The following BZW1 variants were observed in gnomAD, a reference collection of about 807,000 sequenced individuals.
The protein encoded by BZW1 is eIF5-mimic protein 2.
Under a neutral mutation model 54.1 loss-of-function variants are expected in BZW1, and 3 were observed. The observed-to-expected ratio is 0.06, with a 90% confidence interval of 0.03 to 0.14. The LOEUF (loss-of-function observed/expected upper bound fraction) is 0.14, where lower values mean the gene tolerates loss of function less well. Ranked by LOEUF, BZW1 falls within the 10% of genes least tolerant of loss-of-function variation. BZW1 has a pLI of 1.00. For synonymous variants in BZW1, 152 were observed against 162.7 expected, an observed-to-expected ratio of 0.93 and a Z score of 0.50; for missense variants, 206 against 491.7, an observed-to-expected ratio of 0.42 and a Z score of 5.50.
At chr2:200,812,848 C>G in intron 1 of BZW1, 1 of 662,064 alleles carries the variant, frequency 1.5e-6, no homozygotes, top group Non-Finnish European at 2.9e-6. Flanking sequence ...GTGATAATCT[C>G]TCTTTGCGTT....
Position 200,822,240 on chromosome 2 carries a change from G to T in BZW1, c.*62G>T. ...TTGTAGATAAAATGTCATGTCTCAT[G>T]TGTCCTGGTTCTTACATCTTCCTAC... On this transcript the variant is annotated 3_prime_UTR_variant, in exon 12 of 12. Transcript: ENST00000409600. The T allele has an allele frequency of 7.0e-7, 1 of 1,422,720 alleles. No individual in the cohort carries two copies. Among genetic ancestry groups the T allele is most frequent in the Non-Finnish European group, 9.7e-7 (1 of 1,026,176 alleles). 88.1% of individuals were successfully genotyped at this position (1,422,720 alleles called of 1,614,324 possible).
chr2:200,813,461 C>T (rs1202472132), intron 2 of BZW1, 180 bp downstream of exon 2: 2 of 556,082 alleles, frequency 3.6e-6, no homozygotes, highest in Non-Finnish European at 6.3e-6. Flanking sequence ...CTTTACTGCT[C>T]AAGCCTTAAT....
intron 2 of BZW1, 91 bp downstream of exon 2, chr2:200,813,372 G>A (rs2105862486): frequency 1.7e-6 from 2 of 1,155,074 alleles, no homozygotes; most frequent in East Asian, 2.5e-5. Context: ...TATTACTAAA[G>A]CCTCAAAAGA....
rs552447630 is a variant in BZW1 at position 200,819,005 on chromosome 2, C to T, written c.966+104C>T. The T allele has an allele frequency of 1.2e-5, 16 of 1,334,446 alleles. No individual in the cohort carries two copies. In the African/African-American group the frequency reaches 2.2e-4, roughly 18 times the overall value. 82.7% of individuals were successfully genotyped at this position (1,334,446 alleles called of 1,614,324 possible). On this transcript the variant is annotated intron_variant, in intron 9 of 11. Coordinates refer to ENST00000409600, the MANE Select transcript of BZW1 (RefSeq NM_001207067.2). Reference sequence around the variant, plus strand: ...AGAGGATTTATCACATCCTGTGGTTCCTAGGGATGGCCCACCAGTAAATAA... The same window carrying T: ...AGAGGATTTATCACATCCTGTGGTTTCTAGGGATGGCCCACCAGTAAATAA...
chr2:200,821,001 C>G (rs933155623), intron 10 of BZW1, among the ~76,000 whole-genome samples, 182 bp from the exon 11 acceptor site: 4 of 152,198 alleles, frequency 2.6e-5, no homozygotes, highest in Non-Finnish European at 2.9e-5. Flanking sequence ...CTAATCAGAC[C>G]AGTCTTGATC....
At position 200,822,121 on chromosome 2, in the gene BZW1, T is replaced by G. The variant is rs755964105; in HGVS notation, c.1229-26T>G. On this transcript the variant is annotated intron_variant, in intron 11 of 11. Coordinates refer to ENST00000409600, the MANE Select transcript of BZW1 (RefSeq NM_001207067.2). ...ACTTTTGCCTTCTGATACATAATGTTTGACTGTTTTTTTCCCCTTTTCTAG... is the reference window on the plus strand; with the variant it reads ...ACTTTTGCCTTCTGATACATAATGTGTGACTGTTTTTTTCCCCTTTTCTAG... 3 of 1,592,946 alleles carry G rather than the reference T, an allele frequency of 1.9e-6. No homozygotes were observed. The South Asian group carries it at 3.4e-5, about 18-fold the overall frequency.
intron 2 of BZW1, among the ~76,000 whole-genome samples, chr2:200,813,806 G>T (rs867182542): frequency 1.3e-5 from 2 of 152,144 alleles, no homozygotes; most frequent in South Asian, 4.1e-4. Flanking sequence ...GTGTACTTAG[G>T]TGAGTATTGA....
In BZW1 at chr2:200,823,421, T is replaced by G. The variant is rs1360960650; in HGVS notation, c.*1243T>G. On this transcript the variant is annotated 3_prime_UTR_variant, in exon 12 of 12. Coordinates refer to ENST00000409600, the MANE Select transcript of BZW1 (RefSeq NM_001207067.2). ...TGCTGCTACCCATCTATGTATGTAG[T>G]CATTGGGGGGAAAATGTAGCCACAT... 1.3e-5 allele frequency: 2 copies of G among 150,706 alleles called. No individual in the cohort carries two copies. The highest frequency in any genetic ancestry group is 3.0e-5 in the Non-Finnish European group (2 of 67,126). 9.3% of individuals were successfully genotyped at this position (150,706 alleles called of 1,614,324 possible). A position where few individuals can be genotyped will look rare whatever the true frequency, so the allele number is the denominator to read the frequency against.
Position 200,818,915 on chromosome 2 carries a change from G to T in BZW1, c.966+14G>T. 1 of 1,545,868 alleles carries T rather than the reference G, an allele frequency of 6.5e-7. No individual in the cohort carries two copies. ...AAGCACTTGAAGGTATTAGAACTAT[G>T]CCTTGACAAAACAAACTATTCTGCT... is the stretch of plus-strand genomic sequence containing the variant. On this transcript the variant is annotated intron_variant, in intron 9 of 11. Coordinates refer to ENST00000409600, the MANE Select transcript of BZW1 (RefSeq NM_001207067.2).
chr2:200,822,081 A>C (rs115174217), intron 11 of BZW1, 66 bp from the exon 12 acceptor site: 1 of 1,451,488 alleles, frequency 6.9e-7, no homozygotes, highest in Non-Finnish European at 9.5e-7. Context: ...AGAAGCTTCA[A>C]AGTTATAAAT....
rs2038708892 is a variant in BZW1, at chr2:200,826,573, A to C, written c.*4395A>C. On this transcript the variant is annotated 3_prime_UTR_variant, in exon 12 of 12. Coordinates refer to ENST00000409600, the MANE Select transcript of BZW1 (RefSeq NM_001207067.2). ...CTAGCTGGGATTACAGGCGCCCACC[A>C]ACCAAGCCCGGCTAAGGTATTTTTA... is the stretch of plus-strand genomic sequence containing the variant. The C allele has an allele frequency of 6.6e-6, 1 of 151,772 alleles. No homozygotes were observed. Among genetic ancestry groups the C allele is most frequent in the African/African-American group, 2.4e-5 (1 of 41,320 alleles). 9.4% of individuals were successfully genotyped at this position (151,772 alleles called of 1,614,324 possible).
At chr2:200,819,532 GTTTA>G (rs2038427718) in intron 9 of BZW1, among the ~76,000 whole-genome samples, 1 of 150,612 alleles carries the variant, frequency 6.6e-6, no homozygotes, top group Non-Finnish European at 1.5e-5. Context: ...GTATAGTATT[GTTTA>G]TTTTACTTAG....
In BZW1 at chr2:200,818,325, A is replaced by G. The variant is rs1241976459; in HGVS notation, c.751A>G (p.Ile251Val). Residue 251 changes from isoleucine to valine, a missense_variant, in exon 8 of 12, where the codon ATC (isoleucine) becomes GTC (valine). Around this residue, in one of 5 missense-constraint regions of BZW1, gnomAD observed 81 missense variants for 257.1 expected, o/e 0.32. Coordinates refer to ENST00000409600, the MANE Select transcript of BZW1 (RefSeq NM_001207067.2). ...LSEYVRNQQT[I>V]GARKELQKEL... is the part of the protein sequence containing the mutation. Reference sequence around the variant, plus strand: ...AGAATATGTTCGGAATCAGCAAACCATCGGAGCTCGTAAGGAGCTCCAGAA... The same window carrying G: ...AGAATATGTTCGGAATCAGCAAACCGTCGGAGCTCGTAAGGAGCTCCAGAA... 1.1e-5 allele frequency: 17 copies of G among 1,609,848 alleles called. No individual in the cohort carries two copies. Among genetic ancestry groups the G allele is most frequent in the Non-Finnish European group, 1.2e-5 (14 of 1,178,774 alleles).
chr2:200,826,419 T>TGATAGATAGATAGATAGA lies in BZW1; in HGVS notation c.*4241_*4242insGATAGATAGATAGATAGA, dbSNP rs1559318450. ...TAGATAGATAGATATTTTTTTTTTTTTTTTTTTTTTTTTTTTTTTTTTTGA... is the reference window on the plus strand; with the variant it reads ...TAGATAGATAGATATTTTTTTTTTTTGATAGATAGATAGATAGATTTTTTTTTTTTTTTTTTTTTTTGA... On this transcript the variant is annotated 3_prime_UTR_variant, in exon 12 of 12. Transcript: ENST00000409600. 7 of 56,382 alleles carry TGATAGATAGATAGATAGA rather than the reference T, an allele frequency of 1.2e-4. No individual in the cohort carries two copies. The highest frequency in any genetic ancestry group is 3.1e-4 in the African/African-American group (5 of 16,248). 3.5% of individuals were successfully genotyped at this position (56,382 alleles called of 1,614,324 possible).
At chr2:200,813,061 G>A in intron 1 of BZW1, 147 bp from the exon 2 acceptor site, 1 of 703,432 alleles carries the variant, frequency 1.4e-6, no homozygotes, top group South Asian at 1.5e-5. Context: ...GTAATTCTTT[G>A]TGCCTGTATC....
chr2:200,813,863 G>A (rs1361526224), intron 2 of BZW1, among the ~76,000 whole-genome samples: 3 of 152,114 alleles, frequency 2.0e-5, no homozygotes, highest in South Asian at 2.1e-4. Context: ...TAAATAAGAC[G>A]TAGTCTCAGA....
In BZW1 at chr2:200,826,397, ATAGATAGATATTT is replaced by A. The variant is rs2038694644; in HGVS notation, c.*4221_*4233del. 4.7e-5 allele frequency: 3 copies of A among 63,332 alleles called. No homozygotes were observed. The highest frequency in any genetic ancestry group is 1.6e-4 in the African/African-American group (3 of 18,442). 3.9% of individuals were successfully genotyped at this position (63,332 alleles called of 1,614,324 possible). A position where few individuals can be genotyped will look rare whatever the true frequency, so the allele number is the denominator to read the frequency against. On this transcript the variant is annotated 3_prime_UTR_variant, in exon 12 of 12. Coordinates refer to ENST00000409600, the MANE Select transcript of BZW1 (RefSeq NM_001207067.2). ...TATAGATAGATAGATAGATAGATAGATAGATAGATATTTTTTTTTTTTTTTTTTTTTTTTTTTT... is the reference window on the plus strand; with the variant it reads ...TATAGATAGATAGATAGATAGATAGATTTTTTTTTTTTTTTTTTTTTTTTT...
At chr2:200,812,375 C>G in intron 1 of BZW1, 1 of 1,284,038 alleles carries the variant, frequency 7.8e-7, no homozygotes, top group Non-Finnish European at 9.8e-7. Flanking sequence ...GCGGCCGCCG[C>G]CTCCGCCGCT....
At chr2:200,818,987 T>C in intron 9 of BZW1, 86 bp downstream of exon 9, 1 of 1,433,826 alleles carries the variant, frequency 7.0e-7, no homozygotes, top group Non-Finnish European at 9.2e-7. Context: ...CTAAGAGGAT[T>C]TATCACATCC....
Sources: gnomAD v4.1 joint callset for allele counts (sites outside exome capture counted in the v4.1 genomes callset) on GRCh38, gnomAD v4.1.1 for gene constraint, gnomAD v4.1.1 regional missense constraint, MANE v1.5 for transcripts, NCBI Gene and HGNC (gene_info 2026-07-23, HGNC 2026-07-21) for gene names.